Variants in AGBL4 observed in about 807,000 individuals in gnomAD.
AGBL4 encodes cytosolic carboxypeptidase 6.
Under a neutral mutation model 66.4 loss-of-function variants are expected in AGBL4, and 58 were observed. The observed-to-expected ratio is 0.87, with a 90% CI of 0.71 to 1.09. The LOEUF is 1.09. AGBL4 is among the 50% of genes least tolerant of loss of function. The pLI, the probability that AGBL4 is intolerant of heterozygous loss-of-function variation, is 0.00. For missense variants in AGBL4, 579 were observed against 631.0 expected, an observed-to-expected ratio of 0.92 and a Z score of 0.88; for synonymous variants, 234 against 222.9, an observed-to-expected ratio of 1.05 and a Z score of -0.44.
intron 3 of AGBL4, among the ~76,000 whole-genome samples, chr1:49,440,442 A>C (rs535341949): frequency 3.3e-5 from 5 of 152,256 alleles, no homozygotes; most frequent in Middle Eastern, 3.4e-3. Flanking sequence ...ATGTAAAATA[A>C]ATGCTTTTGA....
intron 9 of AGBL4, among the ~76,000 whole-genome samples, chr1:48,592,507 G>A (rs1419162835): frequency 6.6e-6 from 1 of 152,174 alleles, no homozygotes; most frequent in Non-Finnish European, 1.5e-5. Context: ...GCACTGCTCT[G>A]TGTGATATTA....
chr1:49,726,350 CAA>C (rs1249285337), intron 2 of AGBL4, among the ~76,000 whole-genome samples: 3 of 152,008 alleles, frequency 2.0e-5, no homozygotes, highest in Non-Finnish European at 4.4e-5. Context: ...AATCTTAACA[CAA>C]GTCAGGTCTA....
chr1:49,503,435 C>T (rs139765407), intron 3 of AGBL4, among the ~76,000 whole-genome samples: 189 of 152,302 alleles, frequency 1.2e-3, no homozygotes, highest in African/African-American at 4.4e-3. Context: ...GGGGCACTGC[C>T]TAGTGGAACT....
chr1:49,864,277 G>A (rs573355935), intron 1 of AGBL4, among the ~76,000 whole-genome samples: 1 of 152,294 alleles, frequency 6.6e-6, no homozygotes, highest in East Asian at 1.9e-4. Flanking sequence ...ATAGTCAGTG[G>A]CTGACAGGCA....
chr1:48,839,907 A>G (rs1057429011), intron 6 of AGBL4, among the ~76,000 whole-genome samples: 5 of 152,052 alleles, frequency 3.3e-5, no homozygotes, highest in Non-Finnish European at 7.4e-5. Flanking sequence ...GGAGGCTTCT[A>G]TGTCTTTTTA....
At chr1:49,537,651 A>G (rs1167307) in intron 3 of AGBL4, among the ~76,000 whole-genome samples, 102,980 of 152,146 alleles carry the variant, frequency 0.68, 35,572 homozygotes, top group African/African-American at 0.77. Context: ...CAGGCTGGGC[A>G]TGGTGGCTCA....
chr1:49,638,019 T>C (rs1645711742), intron 3 of AGBL4, among the ~76,000 whole-genome samples: 1 of 152,198 alleles, frequency 6.6e-6, no homozygotes, highest in African/African-American at 2.4e-5. Context: ...AATTAGCATT[T>C]CTTCTAATGA....
intron 1 of AGBL4, among the ~76,000 whole-genome samples, chr1:49,905,060 T>C (rs1650140578): frequency 6.6e-6 from 1 of 152,136 alleles, no homozygotes; most frequent in Non-Finnish European, 1.5e-5. Context: ...GATTAGAAAT[T>C]TGACAAAATT....
intron 2 of AGBL4, among the ~76,000 whole-genome samples, chr1:49,736,232 A>G (rs1302355389): frequency 2.0e-5 from 3 of 152,146 alleles, no homozygotes; most frequent in Admixed American, 6.5e-5. Context: ...ACACATTATA[A>G]TCAAACACTT....
chr1:49,817,386 A>G (rs1645258144), intron 2 of AGBL4, among the ~76,000 whole-genome samples: 1 of 152,234 alleles, frequency 6.6e-6, no homozygotes, highest in Admixed American at 6.5e-5. Flanking sequence ...TCCTTTATGC[A>G]CTATGAGTTA....
chr1:49,286,599 A>C (rs1644415901), intron 3 of AGBL4, among the ~76,000 whole-genome samples: 1 of 151,888 alleles, frequency 6.6e-6, no homozygotes, highest in Admixed American at 6.6e-5. Context: ...TCATGAGTGA[A>C]CTCCCGTTCA....
In AGBL4 at chr1:49,697,360, A is replaced by C. The variant is rs1452690778; in HGVS notation, c.235T>G (p.Phe79Val). The change falls in exon 3 of 14, where the codon TTC becomes GTC. Residue 79 changes from phenylalanine to valine, a missense_variant. Transcript: ENST00000371839. ...ACAGTAAAGTTGAACCAGACTCGGAAGCGTGGATTACAGGTGTCCGGCCTA... is the reference window on the plus strand; with the variant it reads ...ACAGTAAAGTTGAACCAGACTCGGACGCGTGGATTACAGGTGTCCGGCCTA... The part of the protein sequence containing the change: ...FIRPDTCNPR[F>V]RVWFNFTVEN... The C allele has an allele frequency of 6.5e-7, 1 of 1,549,044 alleles. No individual in the cohort carries two copies. Among genetic ancestry groups the C allele is most frequent in the Admixed American group, 2.0e-5 (1 of 50,974 alleles).
At chr1:49,016,554 T>G (rs1280527112) in intron 5 of AGBL4, among the ~76,000 whole-genome samples, 2 of 152,122 alleles carry the variant, frequency 1.3e-5, no homozygotes, top group Non-Finnish European at 2.9e-5. Context: ...GGGGCCACAC[T>G]CATGTTAAAG....
At chr1:49,530,284 T>TAAAAAAAAAAAAAAAAAAAAAAA (rs1570959521) in intron 3 of AGBL4, among the ~76,000 whole-genome samples, 1 of 35,782 alleles carries the variant, frequency 2.8e-5, no homozygotes, top group Non-Finnish European at 7.1e-5. Flanking sequence ...AAAAAAAAAC[T>TAAAAAAAAAAAAAAAAAAAAAAA]CTATGAGTTT....
chr1:49,583,211 C>T (rs558251594), intron 3 of AGBL4, among the ~76,000 whole-genome samples: 1 of 152,246 alleles, frequency 6.6e-6, no homozygotes, highest in Admixed American at 6.5e-5. Flanking sequence ...GGCTGCTTAC[C>T]AGCTTAACAT....
chr1:48,550,412 G>A (rs1254188145), intron 11 of AGBL4, among the ~76,000 whole-genome samples: 4 of 151,990 alleles, frequency 2.6e-5, no homozygotes, highest in South Asian at 4.2e-4. Flanking sequence ...TGCCCCCATG[G>A]TCACATTGCC....
chr1:49,035,165 T>C (rs990277614), intron 5 of AGBL4, among the ~76,000 whole-genome samples: 6 of 152,152 alleles, frequency 3.9e-5, no homozygotes, highest in Admixed American at 1.3e-4. Context: ...CCAATGTTAA[T>C]TTCTTACTTT....
At chr1:49,001,823 A>G (rs556245282) in intron 5 of AGBL4, among the ~76,000 whole-genome samples, 3 of 152,256 alleles carry the variant, frequency 2.0e-5, no homozygotes, top group South Asian at 4.1e-4. Flanking sequence ...GATAAATTCA[A>G]ACCTCTAGGG....
chr1:49,477,300 A>T lies in AGBL4; in HGVS notation c.282+220013T>A, dbSNP rs1321248003. Among the ~76,000 whole-genome samples the T allele has an allele frequency of 2.0e-5, 3 of 152,110 alleles. No homozygotes were observed. The East Asian group carries it at 5.8e-4, about 29-fold the overall frequency. On this transcript the variant is annotated intron_variant, in intron 3 of 13. Coordinates refer to ENST00000371839, the MANE Select transcript of AGBL4 (RefSeq NM_032785.4). Reference sequence around the variant, plus strand: ...GCTGGCTTCAGGTTTGACCCAGCACAGTCCTAGTGATGGTGACTGCAGAGG... The same window carrying T: ...GCTGGCTTCAGGTTTGACCCAGCACTGTCCTAGTGATGGTGACTGCAGAGG...
Sources: allele counts gnomAD v4.1 joint callset (sites outside exome capture counted in the v4.1 genomes callset), GRCh38; gene constraint gnomAD v4.1.1; transcripts MANE v1.5; gene names NCBI Gene and HGNC (gene_info 2026-07-23, HGNC 2026-07-21).